The following SLC29A2 variants were observed in gnomAD, a reference collection of about 807,000 sequenced individuals.
SLC29A2 encodes solute carrier family 29 member 2.
Under a neutral mutation model 48.8 loss-of-function variants are expected in SLC29A2, and 37 were observed. The ratio of observed to expected loss-of-function variants is 0.76; its 90% CI spans 0.58 to 1.00. The LOEUF (loss-of-function observed/expected upper bound fraction) is 1.00. SLC29A2 is among the 50% of genes least tolerant of loss of function. SLC29A2 has a pLI of 0.00. For missense variants in SLC29A2, 533 were observed against 578.6 expected (o/e 0.92, Z 0.81); for synonymous variants, 233 against 261.7 (o/e 0.89, Z 1.06).
chr11:66,366,054 C>T (rs754993273), intron 9 of SLC29A2, 33 bp from the exon 10 acceptor site: 1 of 1,610,756 alleles, frequency 6.2e-7, no homozygotes, highest in South Asian at 1.1e-5. Flanking sequence ...TCATACTGGT[C>T]TCCAACTCCC....
In SLC29A2 at chr11:66,364,222, G is replaced by A. The variant is rs1762725561; in HGVS notation, c.1259+3C>T. 6.2e-7 allele frequency: 1 copy of A among 1,600,472 alleles called. No homozygotes were observed. The highest frequency in any genetic ancestry group is 1.3e-5 in the African/African-American group (1 of 74,738). The stretch of plus-strand genomic sequence containing the variant: ...CCCCCCACCCCACCCCATTGCCCCG[G>A]ACCTGGGCGCCAGGCACATGGTGAG... On this transcript the variant is annotated splice_donor_region_variant and intron_variant, in intron 11 of 11. Transcript: ENST00000357440.
Position 66,363,193 on chromosome 11 carries a change from T to G in SLC29A2, c.*243A>C, listed in dbSNP as rs986260570. On this transcript the variant is annotated 3_prime_UTR_variant, in exon 12 of 12. Coordinates refer to ENST00000357440, the MANE Select transcript of SLC29A2 (RefSeq NM_001532.3). ...CCTCTTTTCCCTAGTCATCACCCTT[T>G]CCATGAGGTCTTGTGCGAGTCACCC... The G allele has an allele frequency of 1.5e-5, 8 of 535,578 alleles. No homozygotes were observed. Among genetic ancestry groups the G allele is most frequent in the Non-Finnish European group, 2.0e-5 (6 of 294,174 alleles). 33.2% of individuals were successfully genotyped at this position (535,578 alleles called of 1,614,324 possible).
In SLC29A2 at chr11:66,367,753, A is replaced by G; in HGVS notation, c.648+19T>C. 6.2e-7 allele frequency: 1 copy of G among 1,609,758 alleles called. No homozygotes were observed. Among genetic ancestry groups the G allele is most frequent in the South Asian group, 1.1e-5 (1 of 90,976 alleles). ...CAAGATGCTTTGAGGTGGGGCCTCG[A>G]GCCCAACAGCAGGCTCACCAGGTGA... On this transcript the variant is annotated intron_variant, in intron 6 of 11. Coordinates refer to ENST00000357440, the MANE Select transcript of SLC29A2 (RefSeq NM_001532.3).
intron 7 of SLC29A2, 69 bp downstream of exon 7, chr11:66,367,395 G>T (rs1349130276): frequency 3.7e-6 from 5 of 1,336,170 alleles, no homozygotes; most frequent in Non-Finnish European, 5.4e-6. Context: ...AGATGGAACA[G>T]CTTCCCAGGG....
intron 10 of SLC29A2, 89 bp downstream of exon 10, chr11:66,365,847 T>G: frequency 7.8e-7 from 1 of 1,278,224 alleles, no homozygotes. Context: ...CCATTTGGAC[T>G]ACCAGAAAAT....
At chr11:66,368,715 C>A in intron 4 of SLC29A2, 44 bp from the exon 5 acceptor site, 1 of 1,572,990 alleles carries the variant, frequency 6.4e-7, no homozygotes, top group Middle Eastern at 1.8e-4. Flanking sequence ...CTAGGCAAGA[C>A]TCAGAGGCTC....
At chr11:66,364,969 CAG>C (rs1384195509) in intron 10 of SLC29A2, among the ~76,000 whole-genome samples, 4 of 150,610 alleles carry the variant, frequency 2.7e-5, no homozygotes, top group Middle Eastern at 6.8e-3. Context: ...GTTTTTGAGA[CAG>C]AGTCTCGCTC....
chr11:66,371,836 C>A (rs1335847377), upstream of SLC29A2: 3 of 555,390 alleles, frequency 5.4e-6, no homozygotes, highest in Middle Eastern at 4.7e-4. Context: ...CTCCTTCCCC[C>A]ACCCGCCTCA....
intron 6 of SLC29A2, 29 bp downstream of exon 6, chr11:66,367,743 T>A: frequency 1.3e-6 from 2 of 1,597,624 alleles, no homozygotes; most frequent in Non-Finnish European, 1.7e-6. Context: ...TGCTTTGAGG[T>A]GGGGCCTCGA....
chr11:66,366,017 C>G lies in SLC29A2; in HGVS notation c.978G>C (p.Gln326His), dbSNP rs763680459. 1 of 1,614,176 alleles carries G rather than the reference C, an allele frequency of 6.2e-7. No individual in the cohort carries two copies. The highest frequency in any genetic ancestry group is 1.3e-5 in the African/African-American group (1 of 75,058). Reference sequence around the variant, plus strand: ...GGAAGCAGCAGATGGGGTTGAAGAACTGACCTGGGAGGGAAACGGCTGCAG... The same window carrying G: ...GGAAGCAGCAGATGGGGTTGAAGAAGTGACCTGGGAGGGAAACGGCTGCAG... ...TSSTSPGKWS[Q>H]FFNPICCFLL... Residue 326 changes from glutamine to histidine, a missense_variant, in exon 10 of 12, where the codon CAG (glutamine) becomes CAC (histidine). Gln to His is a conservative substitution (Grantham distance 24, BLOSUM62 0). Coordinates refer to ENST00000357440, the MANE Select transcript of SLC29A2 (RefSeq NM_001532.3).
At position 66,362,585 on chromosome 11, in the gene SLC29A2, G is replaced by GT. The variant is rs1855447263; in HGVS notation, c.*850dup. 1 of 152,290 alleles carries GT rather than the reference G, an allele frequency of 6.6e-6. No individual in the cohort carries two copies. The highest frequency in any genetic ancestry group is 1.5e-5 in the Non-Finnish European group (1 of 68,084). The allele number at this position is 152,290 out of a possible 1,614,324, so 9.4% of individuals were successfully genotyped here. ...GAAGGAGAAACAGCAAAAACGGGGA[G>GT]TAAGTGCCCAGGCTCCTGCCCCAAA... On this transcript the variant is annotated 3_prime_UTR_variant, in exon 12 of 12. Coordinates refer to ENST00000357440, the MANE Select transcript of SLC29A2 (RefSeq NM_001532.3).
At position 66,366,175 on chromosome 11, in the gene SLC29A2, G is replaced by A. The variant is rs758413411; in HGVS notation, c.924C>T (p.Phe308=). The A allele has an allele frequency of 3.1e-6, 5 of 1,614,210 alleles. No homozygotes were observed. In the South Asian group the frequency reaches 3.3e-5, roughly 11 times the overall value. Residue 308 remains phenylalanine (F), a synonymous_variant, in exon 9 of 12, where the codon TTC becomes TTT. Coordinates refer to ENST00000357440, the MANE Select transcript of SLC29A2 (RefSeq NM_001532.3). ...VLVFTVTLSV[F]PAITAMVTSS... ...TGGTCACCATGGCTGTGATGGCGGG[G>A]AAGACGGACAGGGTGACTGTGAAGA...
chr11:66,365,910 G>A (rs768783631), intron 10 of SLC29A2, 26 bp downstream of exon 10: 10 of 1,603,784 alleles, frequency 6.2e-6, no homozygotes, highest in South Asian at 2.2e-5. Flanking sequence ...CTAAAACATC[G>A]GATCACCCAG....
At chr11:66,363,695 G>A (rs1199473551) in intron 11 of SLC29A2, 148 bp from the exon 12 acceptor site, 2 of 694,006 alleles carry the variant, frequency 2.9e-6, no homozygotes, top group African/African-American at 1.8e-5. Flanking sequence ...CAGTTTCCTG[G>A]TCTGTAAATG....
chr11:66,368,054 C>CT (rs1350102653), intron 5 of SLC29A2, among the ~76,000 whole-genome samples, 185 bp from the exon 6 acceptor site: 1 of 152,214 alleles, frequency 6.6e-6, no homozygotes, highest in Non-Finnish European at 1.5e-5. Flanking sequence ...ACTTCTCTCA[C>CT]TTTCCCCATG....
chr11:66,366,126 T>A lies in SLC29A2; in HGVS notation c.973A>T (p.Ser325Cys). ...CCGTCTTCTCCACCCTGACACTCAC[T>A]CCACTTCCCAGGACTGGTGGAGCTG... ...VTSSTSPGKW[S>C]QFFNPICCFL... Residue 325 changes from serine to cysteine, a missense_variant and splice_region_variant, in exon 9 of 12, where the codon AGT (serine) becomes TGT (cysteine). Transcript: ENST00000357440. 6.2e-7 allele frequency: 1 copy of A among 1,613,642 alleles called. No individual in the cohort carries two copies. Among genetic ancestry groups the A allele is most frequent in the Non-Finnish European group, 8.5e-7 (1 of 1,179,620 alleles).
At position 66,366,118 on chromosome 11, in the gene SLC29A2, A is replaced by G; in HGVS notation, c.973+8T>C. ...CTGCCCTGCCGTCTTCTCCACCCTG[A>G]CACTCACTCCACTTCCCAGGACTGG... On this transcript the variant is annotated splice_region_variant and intron_variant, in intron 9 of 11. Coordinates refer to ENST00000357440, the MANE Select transcript of SLC29A2 (RefSeq NM_001532.3). 6.2e-7 allele frequency: 1 copy of G among 1,612,712 alleles called. No individual in the cohort carries two copies.
intron 4 of SLC29A2, 98 bp from the exon 5 acceptor site, chr11:66,368,769 G>A (rs1367690665): frequency 6.7e-7 from 1 of 1,494,022 alleles, no homozygotes; most frequent in Middle Eastern, 2.2e-4. Context: ...CTCTGGACAA[G>A]GTTGCGCAGG....
chr11:66,369,622 TG>T, intron 2 of SLC29A2, 90 bp from the exon 3 acceptor site: 1 of 1,459,460 alleles, frequency 6.9e-7, no homozygotes, highest in South Asian at 1.1e-5. Context: ...CTAATGTCTG[TG>T]GGGACTTGTC....
Sources: gnomAD v4.1 joint callset for allele counts (sites outside exome capture counted in the v4.1 genomes callset) on GRCh38, gnomAD v4.1.1 for gene constraint, MANE v1.5 for transcripts, NCBI Gene and HGNC (gene_info 2026-07-23, HGNC 2026-07-21) for gene names.